Variants in CD1A observed in about 807,000 individuals in gnomAD.
The protein encoded by CD1A is T-cell surface glycoprotein CD1a.
A neutral mutation model predicts 38.3 loss-of-function variants in CD1A; 50 were observed. That is an observed-to-expected ratio of 1.30 (90% CI 1.04 to 1.65). The LOEUF is 1.65. CD1A is among the 40% of genes most tolerant of loss of function. The pLI is 0.00. For missense variants in CD1A, 459 were observed against 406.1 expected (o/e 1.13, Z -1.12); for synonymous variants, 160 against 150.8 (o/e 1.06, Z -0.45).
upstream of CD1A, among the ~76,000 whole-genome samples, chr1:158,251,769 C>T (rs368675552): frequency 2.6e-5 from 4 of 152,062 alleles, no homozygotes; most frequent in South Asian, 8.3e-4. Context: ...CTCGTTCTTT[C>T]CCATTGTTTT....
upstream of CD1A, among the ~76,000 whole-genome samples, chr1:158,253,465 C>A (rs868831441): frequency 5.4e-4 from 82 of 152,212 alleles, 1 homozygote; most frequent in African/African-American, 1.8e-3. Context: ...TACTTTTATC[C>A]TAAATAAAAC....
chr1:158,257,165 C>T (rs1650288219), intron 4 of CD1A, 101 bp downstream of exon 4: 5 of 1,380,424 alleles, frequency 3.6e-6, no homozygotes, highest in Admixed American at 5.1e-5. Flanking sequence ...GATTATAGCC[C>T]AAACATGAAT....
In CD1A at chr1:158,255,366, T is replaced by G; in HGVS notation, c.325+16T>G. ...CAGTTTGAATGTGAGTTCAGTTTTC[T>G]CCATGGAGAGTGGTGAGGTGGGAGA... On this transcript the variant is annotated intron_variant, in intron 2 of 5. Coordinates refer to ENST00000289429, the MANE Select transcript of CD1A (RefSeq NM_001763.3). The G allele has an allele frequency of 1.2e-6, 2 of 1,611,826 alleles. No homozygotes were observed. The highest frequency in any genetic ancestry group is 1.7e-6 in the Non-Finnish European group (2 of 1,178,136).
In CD1A at chr1:158,256,171, C is replaced by G. The variant is rs1571119669; in HGVS notation, c.493C>G (p.Leu165Val). Reference protein sequence around the residue: ...GNMAKHFCKVLNQNQHENDIT... With the variant: ...GNMAKHFCKVVNQNQHENDIT... ...TATGGCCAAGCATTTCTGCAAAGTG[C>G]TCAATCAGAATCAGCATGAAAATGA... The change falls in exon 3 of 6, where the codon CTC (leucine) becomes GTC (valine). Residue 165 changes from leucine to valine, a missense_variant. By Grantham distance (32) the Leu-to-Val change is conservative (BLOSUM62 1). Coordinates refer to ENST00000289429, the MANE Select transcript of CD1A (RefSeq NM_001763.3). 6.2e-7 allele frequency: 1 copy of G among 1,614,002 alleles called. No individual in the cohort carries two copies. The highest frequency in any genetic ancestry group is 8.5e-7 in the Non-Finnish European group (1 of 1,180,006).
chr1:158,254,785 CTG>C (rs55696033), intron 1 of CD1A, 58 bp downstream of exon 1: 37,991 of 671,358 alleles, frequency 0.057, 664 homozygotes, highest in East Asian at 0.13. Context: ...CTCTCTCTCT[CTG>C]TGTGTGTGTG....
chr1:158,254,675 GT>G lies in CD1A; in HGVS notation c.11del (p.Leu4CysfsTer6), dbSNP rs1168926651. ML[F>X]LLLPLLAVLP... ...AAATAACATCTGCAAATGATATGCT[GT>G]TTTTGCTACTTCCATTGTTAGCTGT... On this transcript the variant is annotated frameshift_variant, in exon 1 of 6. Coordinates refer to ENST00000289429, the MANE Select transcript of CD1A (RefSeq NM_001763.3). LOFTEE classifies it high-confidence loss of function. 1 of 1,614,074 alleles carries G rather than the reference GT, an allele frequency of 6.2e-7. No homozygotes were observed. The highest frequency in any genetic ancestry group is 2.2e-5 in the East Asian group (1 of 44,866).
upstream of CD1A, among the ~76,000 whole-genome samples, chr1:158,250,664 C>T (rs886086666): frequency 5.9e-5 from 9 of 152,214 alleles, no homozygotes; most frequent in Non-Finnish European, 1.2e-4. Flanking sequence ...AATGTTGGTC[C>T]TCTCTTCCTA....
At position 158,254,814 on chromosome 1, in the gene CD1A, TG is replaced by T. The variant is rs1650190495; in HGVS notation, c.58+88del. The T allele has an allele frequency of 1.8e-5, 17 of 922,634 alleles. No homozygotes were observed. The South Asian group carries it at 2.1e-4, about 12-fold the overall frequency. The allele number at this position is 922,634 out of a possible 1,614,324, so 57.2% of individuals were successfully genotyped here. On this transcript the variant is annotated intron_variant, in intron 1 of 5. Transcript: ENST00000289429. ...GTGTGTGTGTGTGTGTGTGTGTGTGTGTGTGTGTGTGTGTGTGTGGTTTCCC... is the reference window on the plus strand; with the variant it reads ...GTGTGTGTGTGTGTGTGTGTGTGTGTTGTGTGTGTGTGTGTGTGGTTTCCC...
chr1:158,257,086 G>A (rs1177527757), intron 4 of CD1A, 22 bp downstream of exon 4: 6 of 1,584,514 alleles, frequency 3.8e-6, no homozygotes, highest in Non-Finnish European at 5.2e-6. Flanking sequence ...CTAAGGCCCA[G>A]GCTGGAAATG....
At position 158,257,948 on chromosome 1, in the gene CD1A, C is replaced by T. The variant is rs770626774; in HGVS notation, c.*258C>T. 2 of 486,158 alleles carry T rather than the reference C, an allele frequency of 4.1e-6. No homozygotes were observed. Among genetic ancestry groups the T allele is most frequent in the Non-Finnish European group, 3.7e-6 (1 of 271,830 alleles). 30.1% of individuals were successfully genotyped at this position (486,158 alleles called of 1,614,324 possible). A position where few individuals can be genotyped will look rare whatever the true frequency, so the allele number is the denominator to read the frequency against. On this transcript the variant is annotated 3_prime_UTR_variant, in exon 6 of 6. Coordinates refer to ENST00000289429, the MANE Select transcript of CD1A (RefSeq NM_001763.3). Reference sequence around the variant, plus strand: ...TTTTATCTCCAGATGGAATGGGGTCCTAGCAACCTCCACATGTTCAACTAT... The same window carrying T: ...TTTTATCTCCAGATGGAATGGGGTCTTAGCAACCTCCACATGTTCAACTAT...
rs778954696 is a variant in CD1A at position 158,256,039 on chromosome 1, C to A, written c.361C>A (p.Leu121Met). Residue 121 changes from leucine (L) to methionine (M), a missense_variant, in exon 3 of 6, where the codon CTG (leucine) becomes ATG (methionine). Transcript: ENST00000289429. ...FEIQVTGGCE[L>M]HSGKVSGSFL... is the part of the protein sequence containing the mutation. ...GATACAGGTGACAGGAGGCTGTGAG[C>A]TGCACTCTGGAAAGGTCTCAGGAAG... 2 of 1,614,000 alleles carry A rather than the reference C, an allele frequency of 1.2e-6. No individual in the cohort carries two copies. The highest frequency in any genetic ancestry group is 2.7e-5 in the African/African-American group (2 of 74,898).
the CD1A span, among the ~76,000 whole-genome samples, chr1:158,249,257 C>T: frequency 1.1e-4 from 17 of 152,258 alleles, no homozygotes; most frequent in Middle Eastern, 6.8e-3. Context: ...ATTCAGGCTG[C>T]TACAACAGAA....
At chr1:158,256,729 G>C (rs1034260530) in intron 3 of CD1A, 57 bp from the exon 4 acceptor site, 7 of 1,567,140 alleles carry the variant, frequency 4.5e-6, no homozygotes, top group Non-Finnish European at 6.1e-6. Context: ...CTTCTAAACT[G>C]TTGTGGAGAT....
In CD1A at chr1:158,254,601, G is replaced by T; in HGVS notation, c.-69G>T. ...GAAGTCAGAATAGAGATATCGTGGG[G>T]TAGGTTTGTTTGGAACAGAAATCAA... On this transcript the variant is annotated 5_prime_UTR_variant, in exon 1 of 6. Coordinates refer to ENST00000289429, the MANE Select transcript of CD1A (RefSeq NM_001763.3). 1 of 1,611,790 alleles carries T rather than the reference G, an allele frequency of 6.2e-7. No individual in the cohort carries two copies. Among genetic ancestry groups the T allele is most frequent in the South Asian group, 1.1e-5 (1 of 90,836 alleles).
At chr1:158,249,176 A>T in the CD1A span, among the ~76,000 whole-genome samples, 2 of 152,110 alleles carry the variant, frequency 1.3e-5, no homozygotes, top group Admixed American at 6.5e-5. Flanking sequence ...TTCTGACCCC[A>T]TATTCAACGG....
chr1:158,248,625 T>C, the CD1A span, among the ~76,000 whole-genome samples: 1 of 152,156 alleles, frequency 6.6e-6, no homozygotes, highest in Non-Finnish European at 1.5e-5. Flanking sequence ...AGTACAAAAT[T>C]ATCAGTGATT....
At chr1:158,257,571 T>A in intron 5 of CD1A, 60 bp downstream of exon 5, 10 of 1,577,668 alleles carry the variant, frequency 6.3e-6, no homozygotes, top group Non-Finnish European at 7.8e-6. Context: ...TCTTCCCATG[T>A]TTTTTGTTTT....
Position 158,257,979 on chromosome 1 carries a change from G to C in CD1A, c.*289G>C, listed in dbSNP as rs1650319149. The stretch of plus-strand genomic sequence containing the variant: ...ACCTCCACATGTTCAACTATTAATG[G>C]ATCATCAGGCCTGTTTTAGATATCC... On this transcript the variant is annotated 3_prime_UTR_variant, in exon 6 of 6. Transcript: ENST00000289429. The C allele has an allele frequency of 2.5e-6, 1 of 399,886 alleles. No homozygotes were observed. The highest frequency in any genetic ancestry group is 4.5e-6 in the Non-Finnish European group (1 of 220,864). The allele number at this position is 399,886 out of a possible 1,614,324, so 24.8% of individuals were successfully genotyped here. A position where few individuals can be genotyped will look rare whatever the true frequency, so the allele number is the denominator to read the frequency against.
chr1:158,251,829 G>A (rs890882780), upstream of CD1A, among the ~76,000 whole-genome samples: 3 of 151,944 alleles, frequency 2.0e-5, no homozygotes, highest in African/African-American at 7.3e-5. Flanking sequence ...AGGGCAGCAG[G>A]GCTTTCTGCC....
Sources: gnomAD v4.1 joint callset for allele counts (sites outside exome capture counted in the v4.1 genomes callset) on GRCh38, gnomAD v4.1.1 for gene constraint, MANE v1.5 for transcripts, NCBI Gene and HGNC (gene_info 2026-07-23, HGNC 2026-07-21) for gene names.